Variants in DLG2 observed in about 807,000 individuals in gnomAD.
DLG2 encodes the protein discs large MAGUK scaffold protein 2.
A neutral mutation model predicts 132.5 loss-of-function variants in DLG2; 45 were observed. The observed-to-expected ratio is 0.34, with a 90% confidence interval of 0.27 to 0.44. The LOEUF is 0.44. Ranked by LOEUF, DLG2 falls within the 20% of genes least tolerant of loss-of-function variation. The probability of loss-of-function intolerance (pLI) is 1.00; values close to 1 mark genes in which losing one functional copy is unlikely to be tolerated. For synonymous variants in DLG2, 424 were observed against 419.6 expected, an observed-to-expected ratio of 1.01 and a Z score of -0.13; for missense variants, 1,045 against 1,196.9, an observed-to-expected ratio of 0.87 and a Z score of 1.87.
intron 3 of DLG2, among the ~76,000 whole-genome samples, chr11:85,543,934 T>A (rs552941780): frequency 6.6e-6 from 1 of 152,272 alleles, no homozygotes; most frequent in South Asian, 2.1e-4. Context: ...TCCCATTCTG[T>A]AGGGTGCCTG....
At chr11:85,474,620 T>A (rs2093083387) in intron 3 of DLG2, among the ~76,000 whole-genome samples, 1 of 151,936 alleles carries the variant, frequency 6.6e-6, no homozygotes, top group Non-Finnish European at 1.5e-5. Context: ...GATATGCTGA[T>A]CAGGAGCAAC....
chr11:84,578,294 C>T (rs1433746760), intron 6 of DLG2, among the ~76,000 whole-genome samples: 12 of 152,036 alleles, frequency 7.9e-5, no homozygotes, highest in Non-Finnish European at 1.5e-5. Flanking sequence ...CCACTGTGCT[C>T]CAGACCCCAG....
chr11:84,408,015 G>GACCT (rs1328080208), intron 7 of DLG2, among the ~76,000 whole-genome samples: 4 of 152,102 alleles, frequency 2.6e-5, no homozygotes, highest in Non-Finnish European at 4.4e-5. Context: ...CTTTTTCAAG[G>GACCT]ACCTAGATGT....
chr11:84,248,885 C>T (rs1323181928), intron 8 of DLG2, among the ~76,000 whole-genome samples: 4 of 151,848 alleles, frequency 2.6e-5, no homozygotes, highest in Non-Finnish European at 5.9e-5. Flanking sequence ...ACAGCAACAA[C>T]AAAAAAGATG....
chr11:85,450,808 T>G (rs1170186010), intron 3 of DLG2, among the ~76,000 whole-genome samples: 3 of 152,166 alleles, frequency 2.0e-5, no homozygotes, highest in African/African-American at 7.2e-5. Context: ...TCTTTCCTTC[T>G]TCTCTTTTCT....
At chr11:84,678,762 T>C (rs2099721376) in intron 6 of DLG2, among the ~76,000 whole-genome samples, 1 of 152,098 alleles carries the variant, frequency 6.6e-6, no homozygotes, top group Non-Finnish European at 1.5e-5. Context: ...GAAGGTAGTA[T>C]AGTGGAATGT....
In DLG2 at chr11:85,282,909, A is replaced by T. The variant is rs567121771; in HGVS notation, c.186+2311T>A. Among the ~76,000 whole-genome samples the T allele has an allele frequency of 2.0e-5, 3 of 152,162 alleles. No individual in the cohort carries two copies. In the East Asian group the frequency reaches 5.8e-4, roughly 29 times the overall value. The stretch of plus-strand genomic sequence containing the variant: ...TACCATGGAATACTACACAGCCATA[A>T]AAAGGAACGAGATCATGCCCTTTGC... On this transcript the variant is annotated intron_variant, in intron 4 of 27. Transcript: ENST00000376104.
intron 3 of DLG2, among the ~76,000 whole-genome samples, chr11:85,338,404 A>T (rs2082267877): frequency 6.6e-6 from 1 of 152,184 alleles, no homozygotes; most frequent in South Asian, 2.1e-4. Context: ...TTTCACAGTT[A>T]CTTAAATCAG....
intron 6 of DLG2, among the ~76,000 whole-genome samples, chr11:84,922,802 T>C (rs1437094865): frequency 6.6e-6 from 1 of 151,988 alleles, no homozygotes. Flanking sequence ...ACCTAAATAA[T>C]TTTCATCTTT....
chr11:84,683,111 A>G (rs2099734972), intron 6 of DLG2, among the ~76,000 whole-genome samples: 1 of 152,192 alleles, frequency 6.6e-6, no homozygotes, highest in Non-Finnish European at 1.5e-5. Context: ...TTATCCAAGA[A>G]AAGGGAAAGG....
chr11:84,875,182 A>G (rs1275109004), intron 6 of DLG2, among the ~76,000 whole-genome samples: 1 of 152,138 alleles, frequency 6.6e-6, no homozygotes, highest in Non-Finnish European at 1.5e-5. Context: ...ATTTTTCAAT[A>G]AAAAATTATA....
At chr11:84,872,658 T>A (rs2085657947) in intron 6 of DLG2, among the ~76,000 whole-genome samples, 1 of 152,246 alleles carries the variant, frequency 6.6e-6, no homozygotes, top group Admixed American at 6.5e-5. Flanking sequence ...TAATCTTTGT[T>A]GCTTTTTAGT....
At chr11:85,439,871 A>T (rs1344587486) in intron 3 of DLG2, among the ~76,000 whole-genome samples, 1 of 152,186 alleles carries the variant, frequency 6.6e-6, no homozygotes, top group Non-Finnish European at 1.5e-5. Context: ...GGAAGACTGG[A>T]TATTAGAAAG....
chr11:83,770,227 T>C (rs2094329547), intron 18 of DLG2, among the ~76,000 whole-genome samples: 1 of 150,854 alleles, frequency 6.6e-6, no homozygotes, highest in African/African-American at 2.4e-5. Context: ...TTGTCTTTCC[T>C]CCTACCTTTT....
At chr11:85,301,676 A>T (rs2079593554) in intron 3 of DLG2, among the ~76,000 whole-genome samples, 1 of 152,178 alleles carries the variant, frequency 6.6e-6, no homozygotes, top group Non-Finnish European at 1.5e-5. Flanking sequence ...CCAGGACTTG[A>T]ATCTCCTGGT....
At chr11:83,606,754 C>T (rs1380254956) in intron 19 of DLG2, among the ~76,000 whole-genome samples, 2 of 152,050 alleles carry the variant, frequency 1.3e-5, no homozygotes, top group East Asian at 1.9e-4. Flanking sequence ...ATTGAAACCC[C>T]GTCTCTACTA....
At chr11:85,513,644 T>C (rs1373562305) in intron 3 of DLG2, among the ~76,000 whole-genome samples, 1 of 152,008 alleles carries the variant, frequency 6.6e-6, no homozygotes, top group East Asian at 1.9e-4. Context: ...TACTTTCTAA[T>C]AGCTCCTTCC....
At chr11:83,463,351 C>T (rs60380267) in intron 26 of DLG2, among the ~76,000 whole-genome samples, 2,906 of 151,888 alleles carry the variant, frequency 0.019, 85 homozygotes, top group African/African-American at 0.063. Context: ...CTCATCTTGT[C>T]CTGAGGGGTG....
chr11:83,887,799 G>A (rs1029084055), intron 15 of DLG2, among the ~76,000 whole-genome samples: 6 of 150,792 alleles, frequency 4.0e-5, no homozygotes, highest in East Asian at 1.9e-4. Context: ...TTCAATATAC[G>A]CAAATCAATA....
Sources: gnomAD v4.1 joint callset for allele counts (sites outside exome capture counted in the v4.1 genomes callset) on GRCh38, gnomAD v4.1.1 for gene constraint, MANE v1.5 for transcripts, NCBI Gene and HGNC (gene_info 2026-07-23, HGNC 2026-07-21) for gene names.